The following SLC2A1 variants were observed in gnomAD, a reference collection of about 807,000 sequenced individuals.
SLC2A1 encodes the protein solute carrier family 2 member 1, also known as solute carrier family 2, facilitated glucose transporter member 1.
SLC2A1 carries 4 observed loss-of-function variants against 46.6 expected under a neutral mutation model. That is an observed-to-expected ratio of 0.09 (90% CI 0.04 to 0.20). The LOEUF is 0.20. SLC2A1 is among the 10% of genes least tolerant of loss of function. The pLI is 1.00. For missense variants in SLC2A1, 352 were observed against 667.0 expected, an observed-to-expected ratio of 0.53 and a Z score of 5.20; for synonymous variants, 253 against 270.0, an observed-to-expected ratio of 0.94 and a Z score of 0.62.
rs762237244 is a variant in SLC2A1, at chr1:42,943,226, C to T, written c.114G>A (p.Lys38=). The change falls in exon 2 of 10, where the codon AAG becomes AAA. Residue 38 remains lysine (K), a splice_region_variant and synonymous_variant. Coordinates refer to ENST00000426263, the MANE Select transcript of SLC2A1 (RefSeq NM_006516.4). ...AAGCCAACGATGGCACAGTACTCAC[C>T]TTCTGGGGGGCATTGATGACTCCAG... The part of the protein sequence containing the change: ...YNTGVINAPQ[K]VIEEFYNQTW... 6 of 1,608,538 alleles carry T rather than the reference C, an allele frequency of 3.7e-6. No individual in the cohort carries two copies. Among genetic ancestry groups the T allele is most frequent in the East Asian group, 4.5e-5 (2 of 44,806 alleles).
chr1:42,954,635 T>C lies in SLC2A1; in HGVS notation c.18+3999A>G, dbSNP rs1643755613. Among the ~76,000 whole-genome samples the C allele has an allele frequency of 6.6e-6, 1 of 152,220 alleles. No homozygotes were observed. The stretch of plus-strand genomic sequence containing the variant: ...GGACTCAATTTCCCCATTTGTCAAA[T>C]GGAGGGCTGGGCCATGGCTGGAAGG... On this transcript the variant is annotated intron_variant, in intron 1 of 9. Coordinates refer to ENST00000426263, the MANE Select transcript of SLC2A1 (RefSeq NM_006516.4). This position sits in a 1 kb window ranked among gnomAD's most constrained non-coding sequence, Gnocchi z 4.2.
At chr1:42,950,516 T>C (rs1643709558) in intron 1 of SLC2A1, among the ~76,000 whole-genome samples, 2 of 152,214 alleles carry the variant, frequency 1.3e-5, no homozygotes, top group Admixed American at 1.3e-4. Flanking sequence ...ATCTGGACCC[T>C]GGGGAAACTG....
Position 42,926,486 on chromosome 1 carries a change from A to T in SLC2A1, c.*555T>A, listed in dbSNP as rs1803656. 1 of 268,670 alleles carries T rather than the reference A, an allele frequency of 3.7e-6. No individual in the cohort carries two copies. The highest frequency in any genetic ancestry group is 7.6e-6 in the Non-Finnish European group (1 of 131,992). 16.6% of individuals were successfully genotyped at this position (268,670 alleles called of 1,614,324 possible). Reference sequence around the variant, plus strand: ...CTCCCAACTGGTCTCAGGTAAAGAAAGATTAATTTGAGTGGTTGGGTAGGA... The same window carrying T: ...CTCCCAACTGGTCTCAGGTAAAGAATGATTAATTTGAGTGGTTGGGTAGGA... On this transcript the variant is annotated 3_prime_UTR_variant, in exon 10 of 10. Transcript: ENST00000426263.
At chr1:42,953,699 T>C (rs1643745922) in intron 1 of SLC2A1, among the ~76,000 whole-genome samples, 1 of 152,198 alleles carries the variant, frequency 6.6e-6, no homozygotes, top group Non-Finnish European at 1.5e-5. Context: ...CCTTGGTACT[T>C]GAGCAGAGCT....
Position 42,943,340 on chromosome 1 carries a change from C to A in SLC2A1, c.19-19G>T. ...TCAGCTTCTGCGGAGAAACAAACCACACTGTTATAGGCGTGTCTGGGAGCA... is the reference window on the plus strand; with the variant it reads ...TCAGCTTCTGCGGAGAAACAAACCAAACTGTTATAGGCGTGTCTGGGAGCA... On this transcript the variant is annotated intron_variant, in intron 1 of 9. Transcript: ENST00000426263. The A allele has an allele frequency of 1.3e-6, 2 of 1,591,046 alleles. No individual in the cohort carries two copies. The highest frequency in any genetic ancestry group is 1.7e-6 in the Non-Finnish European group (2 of 1,160,408).
chr1:42,939,319 A>G (rs1643573426), intron 2 of SLC2A1, among the ~76,000 whole-genome samples: 1 of 152,270 alleles, frequency 6.6e-6, no homozygotes, highest in Non-Finnish European at 1.5e-5. Context: ...AAGTGTTTGT[A>G]AAGTACAAAA....
Position 42,930,007 on chromosome 1 carries a change from T to C in SLC2A1, c.545A>G (p.Asn182Ser), listed in dbSNP as rs1643471237. The C allele has an allele frequency of 6.2e-7, 1 of 1,614,112 alleles. No homozygotes were observed. The highest frequency in any genetic ancestry group is 1.3e-5 in the African/African-American group (1 of 75,028). The change falls in exon 5 of 10, where the codon AAC (asparagine) becomes AGC (serine). Residue 182 changes from asparagine to serine, a missense_variant. Physicochemically the swap from Asn to Ser is conservative, Grantham distance 46. Coordinates refer to ENST00000426263, the MANE Select transcript of SLC2A1 (RefSeq NM_006516.4). The surrounding 1 kb of genome is among the most constrained non-coding windows in gnomAD (Gnocchi z 6.2). The stretch of plus-strand genomic sequence containing the variant: ...CAGCAGCAGGGGCCACAGGTCCTTG[T>C]TGCCCATGATGGAGTCCAGGCCGAA... ...QVFGLDSIMG[N>S]KDLWPLLLSI...
Position 42,930,499 on chromosome 1 carries a change from A to G in SLC2A1, c.516+127T>C, listed in dbSNP as rs765366949. On this transcript the variant is annotated intron_variant, in intron 4 of 9. Coordinates refer to ENST00000426263, the MANE Select transcript of SLC2A1 (RefSeq NM_006516.4). This position sits in a 1 kb window ranked among gnomAD's most constrained non-coding sequence, Gnocchi z 6.2. ...TGTGTTCTCTGGACCTGTGTACCAT[A>G]GTTGTCCTCTGCAAGGCTGTGGGGG... The G allele has an allele frequency of 5.5e-6, 7 of 1,275,474 alleles. No homozygotes were observed. The African/African-American group carries it at 8.8e-5, about 16-fold the overall frequency. The allele number at this position is 1,275,474 out of a possible 1,614,324, so 79.0% of individuals were successfully genotyped here.
At chr1:42,940,727 G>A (rs1278888562) in intron 2 of SLC2A1, among the ~76,000 whole-genome samples, 3 of 152,140 alleles carry the variant, frequency 2.0e-5, no homozygotes, top group Admixed American at 6.5e-5. Flanking sequence ...GGATTACAGC[G>A]TGAGCCACAT....
chr1:42,945,539 G>A (rs969117511), intron 1 of SLC2A1, among the ~76,000 whole-genome samples: 1 of 152,084 alleles, frequency 6.6e-6, no homozygotes, highest in South Asian at 2.1e-4. Flanking sequence ...CTTGAGGCCA[G>A]GAGTTCGAGA....
intron 1 of SLC2A1, among the ~76,000 whole-genome samples, chr1:42,945,463 A>C (rs1285659123): frequency 6.6e-6 from 1 of 152,022 alleles, no homozygotes; most frequent in African/African-American, 2.4e-5. Context: ...TAGGGGGAGA[A>C]TATACACATC....
At chr1:42,946,237 GTCAAACTCGACTTTAGAAAAC>G (rs1377434257) in intron 1 of SLC2A1, among the ~76,000 whole-genome samples, 1 of 152,192 alleles carries the variant, frequency 6.6e-6, no homozygotes, top group African/African-American at 2.4e-5. Context: ...GCAGGTCGAG[GTCAAACTCGACTTTAGAAAAC>G]CTGCCTACCC....
At chr1:42,941,718 A>G (rs1248797061) in intron 2 of SLC2A1, among the ~76,000 whole-genome samples, 1 of 152,198 alleles carries the variant, frequency 6.6e-6, no homozygotes, top group East Asian at 1.9e-4. Context: ...TGGAGAGCTC[A>G]ACCTCCCTCT....
At chr1:42,951,619 A>ACT in intron 1 of SLC2A1, 1 of 385,006 alleles carries the variant, frequency 2.6e-6, no homozygotes, top group East Asian at 3.7e-5. Flanking sequence ...ACTAGAAGAC[A>ACT]CTCTTTCATT....
intron 2 of SLC2A1, among the ~76,000 whole-genome samples, chr1:42,941,169 G>A (rs546574956): frequency 2.0e-5 from 3 of 152,268 alleles, no homozygotes; most frequent in South Asian, 2.1e-4. Context: ...CCAGACGCCT[G>A]AGTCATTTCC....
chr1:42,936,383 T>C (rs841850), intron 2 of SLC2A1, among the ~76,000 whole-genome samples: 36,989 of 152,142 alleles, frequency 0.24, 4,777 homozygotes, highest in African/African-American at 0.32. Flanking sequence ...CACACTGCCC[T>C]TCCCACAAGC....
Position 42,930,231 on chromosome 1 carries a change from G to T in SLC2A1, c.517-196C>A. On this transcript the variant is annotated intron_variant, in intron 4 of 9. Coordinates refer to ENST00000426263, the MANE Select transcript of SLC2A1 (RefSeq NM_006516.4). This position sits in a 1 kb window ranked among gnomAD's most constrained non-coding sequence, Gnocchi z 6.2. Reference sequence around the variant, plus strand: ...TGGGAAAAGTAGGACCTACCCCACAGTGTTGCTGGGAGGACAAATGACAAG... The same window carrying T: ...TGGGAAAAGTAGGACCTACCCCACATTGTTGCTGGGAGGACAAATGACAAG... 1.5e-6 allele frequency: 1 copy of T among 663,408 alleles called. No homozygotes were observed. Among genetic ancestry groups the T allele is most frequent in the Non-Finnish European group, 2.7e-6 (1 of 376,150 alleles). The allele number at this position is 663,408 out of a possible 1,614,324, so 41.1% of individuals were successfully genotyped here. A position where few individuals can be genotyped will look rare whatever the true frequency, so the allele number is the denominator to read the frequency against.
intron 1 of SLC2A1, among the ~76,000 whole-genome samples, chr1:42,943,789 C>T (rs558373105): frequency 6.6e-6 from 1 of 152,192 alleles, no homozygotes; most frequent in Non-Finnish European, 1.5e-5. Flanking sequence ...CTGATTCCAG[C>T]CCATCTGCCT....
At chr1:42,949,064 T>C (rs6675927) in intron 1 of SLC2A1, among the ~76,000 whole-genome samples, 2,175 of 121,722 alleles carry the variant, frequency 0.018, 64 homozygotes, top group African/African-American at 0.065. Context: ...CAAGACTCTG[T>C]CTCAAAAAAA....
Sources: gnomAD v4.1 joint callset for allele counts (sites outside exome capture counted in the v4.1 genomes callset) on GRCh38, gnomAD v4.1.1 for gene constraint, Gnocchi (gnomAD v3.1) non-coding constraint, MANE v1.5 for transcripts, NCBI Gene and HGNC (gene_info 2026-07-23, HGNC 2026-07-21) for gene names.